EYA2: variants seen among roughly 807,000 people sequenced by gnomAD.
EYA2 encodes the protein protein phosphatase EYA2.
EYA2 carries 31 observed loss-of-function variants against 69.2 expected under a neutral mutation model. The observed-to-expected ratio is 0.45, with a 90% confidence interval of 0.34 to 0.60. EYA2 has a LOEUF of 0.60. Among genes scored for constraint, EYA2 ranks in the 20% least tolerant of loss-of-function variants. EYA2 has a pLI of 0.02. For missense variants in EYA2, 622 were observed against 701.2 expected (o/e 0.89, Z 1.28); for synonymous variants, 257 against 279.4 (o/e 0.92, Z 0.80).
intron 9 of EYA2, among the ~76,000 whole-genome samples, chr20:47,132,228 G>A (rs1450805902): frequency 7.2e-5 from 11 of 152,146 alleles, no homozygotes; most frequent in Non-Finnish European, 1.5e-4. Context: ...GATTATGAGC[G>A]TGAGCCACCA....
intron 5 of EYA2, among the ~76,000 whole-genome samples, chr20:47,064,922 G>A (rs1364420876): frequency 1.3e-5 from 2 of 152,140 alleles, no homozygotes; most frequent in Non-Finnish European, 2.9e-5. Context: ...CCTGAGGCTG[G>A]GTCATTTATA....
Position 46,963,148 on chromosome 20 carries a change from G to C in EYA2, c.-10-26853G>C, listed in dbSNP as rs549501423. On this transcript the variant is annotated intron_variant, in intron 1 of 15. Coordinates refer to ENST00000327619, the MANE Select transcript of EYA2 (RefSeq NM_005244.5). ...GACACACCCTGTATCGGCTCCTTCT[G>C]TTTCTCTTATCGCATCCCCAGTCCC... Among the ~76,000 whole-genome samples the C allele has an allele frequency of 1.8e-4, 28 of 152,340 alleles. No homozygotes were observed. In the South Asian group the frequency reaches 5.4e-3, roughly 29 times the overall value.
At chr20:47,181,032 AGAAATG>A (rs377189058) in intron 14 of EYA2, 96 bp downstream of exon 14, 10 of 1,502,960 alleles carry the variant, frequency 6.7e-6, no homozygotes, top group African/African-American at 4.1e-5. Flanking sequence ...ATGACACCAC[AGAAATG>A]GATGGAGTGT....
chr20:47,170,419 C>T lies in EYA2; in HGVS notation c.1037+1222C>T, dbSNP rs2034294219. On this transcript the variant is annotated intron_variant, in intron 11 of 15. Coordinates refer to ENST00000327619, the MANE Select transcript of EYA2 (RefSeq NM_005244.5). ...CCCAGCACTTTGGGAGGCCAAGGCG[C>T]AAGGATCACCTGAGGTCAGGAGTTC... Among the ~76,000 whole-genome samples, 5 of 151,256 alleles carry T rather than the reference C, an allele frequency of 3.3e-5. No individual in the cohort carries two copies. In the South Asian group the frequency reaches 1.1e-3, roughly 32 times the overall value.
chr20:47,063,758 G>A (rs966520875), intron 5 of EYA2, among the ~76,000 whole-genome samples: 2 of 152,122 alleles, frequency 1.3e-5, no homozygotes, highest in African/African-American at 4.8e-5. Flanking sequence ...GATAACCAAT[G>A]GGAAACCTCT....
chr20:46,937,560 C>T lies in EYA2; in HGVS notation c.-11+42573C>T, dbSNP rs573758545. Among the ~76,000 whole-genome samples the T allele has an allele frequency of 1.1e-4, 17 of 152,106 alleles. No individual in the cohort carries two copies. In the East Asian group the frequency reaches 3.3e-3, roughly 29 times the overall value. ...CAGGAAAGCCAGTCTACAGAGTGGC[C>T]CTGTTGTTTGCAACAGAAACCTATA... On this transcript the variant is annotated intron_variant, in intron 1 of 15. Transcript: ENST00000327619.
At chr20:46,945,111 G>A (rs1487537055) in intron 1 of EYA2, among the ~76,000 whole-genome samples, 4 of 129,524 alleles carry the variant, frequency 3.1e-5, no homozygotes, top group Non-Finnish European at 5.4e-5. Context: ...GTGAGACCTT[G>A]TCTGGAAAAA....
intron 9 of EYA2, among the ~76,000 whole-genome samples, chr20:47,140,946 A>G (rs1272941943): frequency 6.6e-6 from 1 of 152,076 alleles, no homozygotes; most frequent in Non-Finnish European, 1.5e-5. Context: ...TCTTTTAACA[A>G]CTCACACTCT....
At chr20:47,116,002 A>G (rs899579380) in intron 9 of EYA2, among the ~76,000 whole-genome samples, 1 of 152,098 alleles carries the variant, frequency 6.6e-6, no homozygotes, top group Non-Finnish European at 1.5e-5. Flanking sequence ...TAGTCTAACC[A>G]GTGTTGCCTG....
chr20:47,118,654 T>C (rs1418985460), intron 9 of EYA2, among the ~76,000 whole-genome samples: 1 of 152,162 alleles, frequency 6.6e-6, no homozygotes, highest in Non-Finnish European at 1.5e-5. Context: ...ATTTTAAAGA[T>C]GGTTTGGGGT....
At position 46,990,000 on chromosome 20, in the gene EYA2, G is replaced by A; in HGVS notation, c.-10-1G>A. 2.1e-6 allele frequency: 3 copies of A among 1,452,128 alleles called. No homozygotes were observed. Among genetic ancestry groups the A allele is most frequent in the Admixed American group, 1.7e-5 (1 of 59,646 alleles). The allele number at this position is 1,452,128 out of a possible 1,614,324, so 90.0% of individuals were successfully genotyped here. On this transcript the variant is annotated splice_acceptor_variant, in intron 1 of 15. Coordinates refer to ENST00000327619, the MANE Select transcript of EYA2 (RefSeq NM_005244.5). LOFTEE classifies it low-confidence loss of function (5UTR_SPLICE). ...TTATATTTCCCTTTGTTTTCTTTCA[G>A]GTACAAGGAAATGGTAGAACTAGTG...
chr20:46,910,333 T>C (rs1221734991), intron 1 of EYA2, among the ~76,000 whole-genome samples: 3 of 152,134 alleles, frequency 2.0e-5, no homozygotes, highest in Non-Finnish European at 4.4e-5. Flanking sequence ...CCAGGTCTTA[T>C]GAGAACTCTG....
At chr20:46,965,293 C>T (rs764436719) in intron 1 of EYA2, among the ~76,000 whole-genome samples, 1 of 152,218 alleles carries the variant, frequency 6.6e-6, no homozygotes, top group Non-Finnish European at 1.5e-5. Context: ...AACTACAGCC[C>T]AGTGTAAAAA....
chr20:47,033,002 G>A (rs1379579256), intron 5 of EYA2, among the ~76,000 whole-genome samples: 2 of 152,066 alleles, frequency 1.3e-5, no homozygotes, highest in Non-Finnish European at 2.9e-5. Flanking sequence ...AGCAGGCCTC[G>A]CCAGGTCTCG....
At chr20:46,994,352 T>G (rs1444980932) in intron 2 of EYA2, among the ~76,000 whole-genome samples, 1 of 152,252 alleles carries the variant, frequency 6.6e-6, no homozygotes, top group Non-Finnish European at 1.5e-5. Context: ...GATTGTATCC[T>G]GTCTCTGGGA....
intron 1 of EYA2, among the ~76,000 whole-genome samples, chr20:46,919,512 A>G (rs1016673667): frequency 3.3e-5 from 5 of 152,228 alleles, no homozygotes; most frequent in Admixed American, 1.3e-4. Flanking sequence ...GGTAGCTTCA[A>G]ACTTTTCTTC....
At chr20:47,035,097 T>C (rs557873722) in intron 5 of EYA2, among the ~76,000 whole-genome samples, 49 of 152,330 alleles carry the variant, frequency 3.2e-4, no homozygotes, top group South Asian at 4.2e-4. Flanking sequence ...GGGACGCAAC[T>C]CTACCCACGA....
chr20:47,041,068 A>G (rs1985036374), intron 5 of EYA2, among the ~76,000 whole-genome samples: 1 of 152,164 alleles, frequency 6.6e-6, no homozygotes, highest in East Asian at 1.9e-4. Context: ...TCCACAGGGA[A>G]GTTAGATAAC....
At chr20:47,063,934 A>G (rs1161251656) in intron 5 of EYA2, among the ~76,000 whole-genome samples, 1 of 152,196 alleles carries the variant, frequency 6.6e-6, no homozygotes, top group African/African-American at 2.4e-5. Flanking sequence ...CAAAATGTCA[A>G]GAACCTGGGC....
Sources: allele counts gnomAD v4.1 joint callset (sites outside exome capture counted in the v4.1 genomes callset), GRCh38; gene constraint gnomAD v4.1.1; transcripts MANE v1.5; gene names NCBI Gene and HGNC (gene_info 2026-07-23, HGNC 2026-07-21).